Variants in FGF10 observed in about 807,000 individuals in gnomAD.
FGF10 encodes the protein fibroblast growth factor 10.
FGF10 carries 2 observed loss-of-function variants against 19.8 expected under a neutral mutation model. The ratio of observed to expected loss-of-function variants is 0.10; its 90% CI spans 0.04 to 0.32. FGF10 has a LOEUF of 0.32. Ranked by LOEUF, FGF10 falls within the 10% of genes least tolerant of loss-of-function variation. FGF10 has a pLI of 1.00. For synonymous variants in FGF10, 112 were observed against 94.0 expected, an observed-to-expected ratio of 1.19 and a Z score of -1.10; for missense variants, 191 against 246.3, an observed-to-expected ratio of 0.78 and a Z score of 1.50.
rs888014342 is a variant in FGF10, at chr5:44,301,774, A to G, written c.*3221T>C. On this transcript the variant is annotated 3_prime_UTR_variant, in exon 3 of 3. Transcript: ENST00000264664. ...TTGGGGCTGTGGGGCATTTAACCAC[A>G]TCCTGCCATGCACACACTTGAGCTT... is the stretch of plus-strand genomic sequence containing the variant. Among the ~76,000 whole-genome samples, 11 of 152,156 alleles carry G rather than the reference A, an allele frequency of 7.2e-5. No homozygotes were observed. The highest frequency in any genetic ancestry group is 2.4e-4 in the African/African-American group (10 of 41,434).
At chr5:44,317,177 G>C (rs1429635126) in intron 1 of FGF10, among the ~76,000 whole-genome samples, 2 of 152,098 alleles carry the variant, frequency 1.3e-5, no homozygotes, top group African/African-American at 2.4e-5. Flanking sequence ...TGCCTTTTTA[G>C]TATAATGTAT....
In FGF10 at chr5:44,378,633, G is replaced by C. The variant is rs530162908; in HGVS notation, c.325+9725C>G. ...TTTTTAGTAGAGACGGGGTTTCACCGTGTTAGCCAGGATGGTCTTGATCTC... is the reference window on the plus strand; with the variant it reads ...TTTTTAGTAGAGACGGGGTTTCACCCTGTTAGCCAGGATGGTCTTGATCTC... On this transcript the variant is annotated intron_variant, in intron 1 of 2. Coordinates refer to ENST00000264664, the MANE Select transcript of FGF10 (RefSeq NM_004465.2). Among the ~76,000 whole-genome samples the C allele has an allele frequency of 5.0e-4, 76 of 152,158 alleles. 1 individual carries two copies. The Middle Eastern group carries it at 0.01, about 20-fold the overall frequency.
chr5:44,357,711 G>A (rs1263757015), intron 1 of FGF10, among the ~76,000 whole-genome samples: 1 of 151,372 alleles, frequency 6.6e-6, no homozygotes, highest in Non-Finnish European at 1.5e-5. Context: ...AGGTGCTTAG[G>A]TAGTTTAGAG....
At chr5:44,388,211 G>A in intron 1 of FGF10, 147 bp downstream of exon 1, 2 of 795,104 alleles carry the variant, frequency 2.5e-6, no homozygotes, top group Non-Finnish European at 4.3e-6. Context: ...GTTGGGGGGT[G>A]AATTAGTGTG....
Position 44,324,646 on chromosome 5 carries a change from A to G in FGF10, c.326-14116T>C, listed in dbSNP as rs778666642. Among the ~76,000 whole-genome samples the G allele has an allele frequency of 2.7e-4, 41 of 152,290 alleles. 1 individual carries two copies. The highest frequency in any genetic ancestry group is 1.2e-3 in the East Asian group (6 of 5,182). ...GTGTTGTCAGATAATTATTAAATTC[A>G]ACTGAAATAAAATAATTTATAATAA... On this transcript the variant is annotated intron_variant, in intron 1 of 2. Transcript: ENST00000264664.
chr5:44,364,300 C>T (rs766136534), intron 1 of FGF10, among the ~76,000 whole-genome samples: 23 of 151,816 alleles, frequency 1.5e-4, no homozygotes, highest in Non-Finnish European at 2.9e-4. Flanking sequence ...AAAATGATAA[C>T]TCAGCAATCT....
intron 2 of FGF10, among the ~76,000 whole-genome samples, chr5:44,309,229 A>G (rs1392996207): frequency 6.6e-6 from 1 of 152,152 alleles, no homozygotes; most frequent in Non-Finnish European, 1.5e-5. Context: ...TTCCAAGTTT[A>G]TAGTTGCCTT....
chr5:44,325,780 G>T (rs1051344244), intron 1 of FGF10, among the ~76,000 whole-genome samples: 28 of 151,750 alleles, frequency 1.8e-4, no homozygotes, highest in Admixed American at 6.6e-5. Flanking sequence ...TAAATGACGA[G>T]TTAATGGGTG....
chr5:44,350,518 C>G (rs747483522), intron 1 of FGF10, among the ~76,000 whole-genome samples: 3 of 150,544 alleles, frequency 2.0e-5, no homozygotes, highest in Admixed American at 6.6e-5. Flanking sequence ...GCATGCAATA[C>G]TATTAGCAAT....
chr5:44,354,081 T>C (rs1741292321), intron 1 of FGF10, among the ~76,000 whole-genome samples: 3 of 151,432 alleles, frequency 2.0e-5, no homozygotes, highest in South Asian at 2.1e-4. Context: ...TAAAATATGA[T>C]GGATCTACCT....
At chr5:44,365,208 T>A (rs1280226057) in intron 1 of FGF10, among the ~76,000 whole-genome samples, 1 of 151,822 alleles carries the variant, frequency 6.6e-6, no homozygotes, top group Non-Finnish European at 1.5e-5. Context: ...TACCCCAAGA[T>A]GAGCTGTCAA....
chr5:44,389,115 G>T lies in FGF10; in HGVS notation c.-433C>A. 6.7e-6 allele frequency: 2 copies of T among 299,458 alleles called. No individual in the cohort carries two copies. Among genetic ancestry groups the T allele is most frequent in the South Asian group, 3.4e-5 (1 of 29,204 alleles). 18.6% of individuals were successfully genotyped at this position (299,458 alleles called of 1,614,324 possible). A position where few individuals can be genotyped will look rare whatever the true frequency, so the allele number is the denominator to read the frequency against. ...CCAAGGGAGGTGGGGTGGGGAATAG[G>T]GGGAGATATCTGCACCCCTCTGCGG... On this transcript the variant is annotated 5_prime_UTR_variant, in exon 1 of 3. Transcript: ENST00000264664.
At position 44,388,877 on chromosome 5, in the gene FGF10, T is replaced by C. The variant is rs759910644; in HGVS notation, c.-195A>G. The C allele has an allele frequency of 3.1e-6, 2 of 652,842 alleles. No individual in the cohort carries two copies. The highest frequency in any genetic ancestry group is 5.6e-6 in the Non-Finnish European group (2 of 358,924). The allele number at this position is 652,842 out of a possible 1,614,324, so 40.4% of individuals were successfully genotyped here. ...AAGCCGGCTGACTCCCCTCGCTCCTTTCTCGGATCCGCTGCCTACGCCTCT... is the reference window on the plus strand; with the variant it reads ...AAGCCGGCTGACTCCCCTCGCTCCTCTCTCGGATCCGCTGCCTACGCCTCT... On this transcript the variant is annotated 5_prime_UTR_variant, in exon 1 of 3. Transcript: ENST00000264664.
intron 1 of FGF10, among the ~76,000 whole-genome samples, chr5:44,365,571 A>C (rs1349364245): frequency 2.0e-5 from 3 of 151,934 alleles, no homozygotes; most frequent in Non-Finnish European, 4.4e-5. Flanking sequence ...TTTCCCCTAC[A>C]TGCCCTAACT....
intron 1 of FGF10, among the ~76,000 whole-genome samples, chr5:44,340,098 C>G (rs4866894): frequency 0.54 from 81,358 of 151,856 alleles, 23,940 homozygotes; most frequent in Non-Finnish European, 0.67. Context: ...TTCCATTTCG[C>G]ACACATCTAC....
At chr5:44,351,226 T>C (rs1020405696) in intron 1 of FGF10, among the ~76,000 whole-genome samples, 1 of 151,612 alleles carries the variant, frequency 6.6e-6, no homozygotes, top group African/African-American at 2.4e-5. Flanking sequence ...ACAAAAGACA[T>C]GCTTTAAACA....
intron 1 of FGF10, among the ~76,000 whole-genome samples, chr5:44,324,044 T>C (rs1457114356): frequency 6.6e-6 from 1 of 152,132 alleles, no homozygotes; most frequent in East Asian, 1.9e-4. Flanking sequence ...TGTTATTTCA[T>C]ACTCCTCTTG....
At chr5:44,343,794 A>G (rs968273522) in intron 1 of FGF10, among the ~76,000 whole-genome samples, 3 of 151,972 alleles carry the variant, frequency 2.0e-5, no homozygotes, top group African/African-American at 7.2e-5. Context: ...TATTTATGGC[A>G]ACAGATATTG....
At chr5:44,318,237 A>T (rs1740401217) in intron 1 of FGF10, among the ~76,000 whole-genome samples, 1 of 152,202 alleles carries the variant, frequency 6.6e-6, no homozygotes, top group Non-Finnish European at 1.5e-5. Flanking sequence ...ATTACGTTAG[A>T]AAAGTCCTGC....
Sources: allele counts gnomAD v4.1 joint callset (sites outside exome capture counted in the v4.1 genomes callset), GRCh38; gene constraint gnomAD v4.1.1; transcripts MANE v1.5; gene names NCBI Gene and HGNC (gene_info 2026-07-23, HGNC 2026-07-21).